COG2: variants seen among roughly 807,000 people sequenced by gnomAD.
COG2 encodes the protein component of oligomeric golgi complex 2, also known as conserved oligomeric Golgi complex subunit 2.
COG2 carries 52 observed loss-of-function variants against 90.6 expected under a neutral mutation model. That is an observed-to-expected ratio of 0.57 (90% CI 0.46 to 0.72). COG2 has a LOEUF of 0.72. Among genes scored for constraint, COG2 ranks in the 30% least tolerant of loss-of-function variants. The pLI is 0.00. For synonymous variants in COG2, 337 were observed against 320.4 expected, an observed-to-expected ratio of 1.05 and a Z score of -0.55; for missense variants, 829 against 891.2, an observed-to-expected ratio of 0.93 and a Z score of 0.89.
In COG2 at chr1:230,675,091, T is replaced by G. The variant is rs1267350957; in HGVS notation, c.993T>G (p.Leu331=). Residue 331 remains leucine (L), a synonymous_variant, in exon 9 of 18, where the codon CTT becomes CTG. Transcript: ENST00000366669. ...GATTAGAAGAAAAGTTACCCTCGCT[T>G]TTTAATCCTGGGAATCCCGATGCAT... ...VQGLEEKLPS[L]FNPGNPDAFH... is the part of the protein sequence containing the mutation. 6.2e-7 allele frequency: 1 copy of G among 1,612,664 alleles called. No individual in the cohort carries two copies. Among genetic ancestry groups the G allele is most frequent in the East Asian group, 2.2e-5 (1 of 44,850 alleles).
At chr1:230,646,234 A>C (rs1294303139) in intron 1 of COG2, among the ~76,000 whole-genome samples, 2 of 152,068 alleles carry the variant, frequency 1.3e-5, no homozygotes, top group Non-Finnish European at 2.9e-5. Context: ...CTTCACTCTT[A>C]AATTCACTTC....
intron 1 of COG2, among the ~76,000 whole-genome samples, chr1:230,644,215 C>A (rs1415852740): frequency 2.0e-5 from 3 of 152,154 alleles, no homozygotes; most frequent in Non-Finnish European, 2.9e-5. Context: ...TATTTCGTGG[C>A]TCTGTGAATA....
intron 5 of COG2, among the ~76,000 whole-genome samples, chr1:230,665,554 C>T (rs1662299621): frequency 6.6e-6 from 1 of 152,214 alleles, no homozygotes; most frequent in Non-Finnish European, 1.5e-5. Context: ...ACTGTAGAGA[C>T]AGTATGCTGT....
Position 230,687,057 on chromosome 1 carries a change from A to G in COG2, c.1503A>G (p.Glu501=). The G allele has an allele frequency of 6.2e-7, 1 of 1,613,248 alleles. No homozygotes were observed. The highest frequency in any genetic ancestry group is 8.5e-7 in the Non-Finnish European group (1 of 1,179,524). The change falls in exon 13 of 18, where the codon GAA becomes GAG. Residue 501 remains glutamate (E), a synonymous_variant. Transcript: ENST00000366669. ...NTEDQGSGPS[E]TKPVVSISRT... ...AAGACCAAGGAAGTGGTCCTTCGGA[A>G]ACAAAGCCTGTGGTTTCCATTTCCC...
chr1:230,657,111 T>C (rs562023864), intron 1 of COG2, among the ~76,000 whole-genome samples: 28 of 152,328 alleles, frequency 1.8e-4, no homozygotes, highest in Middle Eastern at 3.4e-3. Flanking sequence ...CCTATCCTTA[T>C]GATGCTAGGT....
At chr1:230,647,886 A>G (rs891869793) in intron 1 of COG2, among the ~76,000 whole-genome samples, 16 of 152,162 alleles carry the variant, frequency 1.1e-4, no homozygotes, top group African/African-American at 3.9e-4. Context: ...TGATTGAATT[A>G]GAGGGTGTGG....
intron 1 of COG2, among the ~76,000 whole-genome samples, chr1:230,653,037 A>G (rs1028951501): frequency 2.0e-5 from 3 of 152,138 alleles, no homozygotes; most frequent in African/African-American, 7.2e-5. Context: ...CTCTTAGCAC[A>G]TTTCAAGAAT....
chr1:230,663,063 T>A, intron 3 of COG2, 78 bp from the exon 4 acceptor site: 1 of 1,187,276 alleles, frequency 8.4e-7, no homozygotes, highest in Non-Finnish European at 1.2e-6. Flanking sequence ...TTAAGTCCTG[T>A]GGAATTGAAT....
intron 10 of COG2, chr1:230,680,080 A>G (rs1034297476): frequency 1.3e-5 from 2 of 152,328 alleles, no homozygotes; most frequent in East Asian, 3.9e-4. Context: ...TTGGTCTCTC[A>G]GCAGGAAATT....
intron 10 of COG2, 132 bp from the exon 11 acceptor site, chr1:230,683,442 A>T: frequency 3.7e-6 from 2 of 543,636 alleles, no homozygotes; most frequent in Admixed American, 3.2e-5. Context: ...CTGGGAGAAT[A>T]GGCATTCCGA....
intron 16 of COG2, 194 bp downstream of exon 16, chr1:230,690,347 C>T: frequency 2.1e-6 from 1 of 487,508 alleles, no homozygotes; most frequent in East Asian, 3.6e-5. Flanking sequence ...TGTGGGCTGG[C>T]TTCCTCTGCC....
At chr1:230,656,800 G>A (rs181403605) in intron 1 of COG2, among the ~76,000 whole-genome samples, 35 of 152,094 alleles carry the variant, frequency 2.3e-4, no homozygotes, top group African/African-American at 7.7e-4. Flanking sequence ...ATTAGCTCTT[G>A]TTGCATTGAT....
In COG2 at chr1:230,691,584, C is replaced by A. The variant is rs1243458406; in HGVS notation, c.2115+20C>A. On this transcript the variant is annotated intron_variant, in intron 17 of 17. Coordinates refer to ENST00000366669, the MANE Select transcript of COG2 (RefSeq NM_007357.3). ...GAGCAGGTAACCCATCAGCCGCCGGCAGCTCCAGCGAGCCTGAAACCAAAT... is the reference window on the plus strand; with the variant it reads ...GAGCAGGTAACCCATCAGCCGCCGGAAGCTCCAGCGAGCCTGAAACCAAAT... 1 of 1,596,090 alleles carries A rather than the reference C, an allele frequency of 6.3e-7. No homozygotes were observed. The highest frequency in any genetic ancestry group is 8.5e-7 in the Non-Finnish European group (1 of 1,170,570).
At chr1:230,692,294 T>C (rs1000553853) in intron 17 of COG2, among the ~76,000 whole-genome samples, 2 of 151,922 alleles carry the variant, frequency 1.3e-5, no homozygotes, top group African/African-American at 4.8e-5. Context: ...ATCATAAAGT[T>C]TCCACAAGAG....
chr1:230,649,202 C>T (rs1358082722), intron 1 of COG2, among the ~76,000 whole-genome samples: 1 of 152,150 alleles, frequency 6.6e-6, no homozygotes, highest in East Asian at 1.9e-4. Context: ...CTTTAGCATA[C>T]ATTTTTAATT....
chr1:230,675,184 C>A, intron 9 of COG2, 60 bp downstream of exon 9: 1 of 1,556,682 alleles, frequency 6.4e-7, no homozygotes, highest in Non-Finnish European at 8.7e-7. Context: ...GGAGAAATAT[C>A]ATGTTCTCTT....
intron 10 of COG2, 39 bp downstream of exon 10, chr1:230,679,091 TA>T: frequency 6.4e-7 from 1 of 1,567,926 alleles, no homozygotes. Flanking sequence ...CGCACCCTTC[TA>T]AAACAGAATT....
rs529221418 is a variant in COG2, at chr1:230,642,891, C to G, written c.72+213C>G. On this transcript the variant is annotated intron_variant, in intron 1 of 17. Transcript: ENST00000366669. The stretch of plus-strand genomic sequence containing the variant: ...CACTTCTGTAAAATCGTGCGTGTTA[C>G]ATGGAAAGGCCTGAAAGTTCTGGGC... 8 of 550,104 alleles carry G rather than the reference C, an allele frequency of 1.5e-5. No individual in the cohort carries two copies. The South Asian group carries it at 1.9e-4, about 13-fold the overall frequency. 34.1% of individuals were successfully genotyped at this position (550,104 alleles called of 1,614,324 possible).
At chr1:230,691,103 C>A (rs1050069287) in intron 16 of COG2, among the ~76,000 whole-genome samples, 4 of 151,582 alleles carry the variant, frequency 2.6e-5, no homozygotes, top group Admixed American at 6.6e-5. Flanking sequence ...TAAGCAAAAT[C>A]CACACACACA....
Sources: gnomAD v4.1 joint callset for allele counts (sites outside exome capture counted in the v4.1 genomes callset) on GRCh38, gnomAD v4.1.1 for gene constraint, MANE v1.5 for transcripts, NCBI Gene and HGNC (gene_info 2026-07-23, HGNC 2026-07-21) for gene names.